The following LAMA2 variants were observed in gnomAD, a reference collection of about 807,000 sequenced individuals.
LAMA2 encodes laminin subunit alpha-2.
Under a neutral mutation model 364.8 loss-of-function variants are expected in LAMA2, and 269 were observed. The observed-to-expected ratio is 0.74, with a 90% confidence interval of 0.67 to 0.82. The LOEUF (loss-of-function observed/expected upper bound fraction) is 0.82, where lower values mean the gene tolerates loss of function less well. Ranked by LOEUF, LAMA2 falls within the 40% of genes least tolerant of loss-of-function variation. The pLI is 0.00. For missense variants in LAMA2, 3,807 were observed against 3,873.2 expected (o/e 0.98, Z 0.45); for synonymous variants, 1,379 against 1,370.6 (o/e 1.01, Z -0.14).
Position 129,066,038 on chromosome 6 carries a change from G to GTATGTCTTTTTTTTTTTTTTTTTTT in LAMA2, c.396+6143_396+6144insATGTCTTTTTTTTTTTTTTTTTTTT, listed in dbSNP as rs59543848. On this transcript the variant is annotated intron_variant, in intron 3 of 64. Transcript: ENST00000421865. ...TCTTTTGTAAATTGCCCAGTCTCAGGTTTTTTTTTTTTTTTTTTTTTTTTT... is the reference window on the plus strand; with the variant it reads ...TCTTTTGTAAATTGCCCAGTCTCAGGTATGTCTTTTTTTTTTTTTTTTTTTTTTTTTTTTTTTTTTTTTTTTTTTT... Among the ~76,000 whole-genome samples, 16 of 37,116 alleles carry GTATGTCTTTTTTTTTTTTTTTTTTT rather than the reference G, an allele frequency of 4.3e-4. 1 individual carries two copies. The highest frequency in any genetic ancestry group is 5.1e-4 in the African/African-American group (6 of 11,704). The allele number at this position is 37,116 out of a possible 152,430, so 24.3% of individuals were successfully genotyped here.
chr6:129,266,812 G>T (rs972764348), intron 15 of LAMA2, among the ~76,000 whole-genome samples: 1 of 151,874 alleles, frequency 6.6e-6, no homozygotes, highest in East Asian at 1.9e-4. Context: ...TTTTCTTTGA[G>T]ACTGTCACAT....
chr6:128,978,775 G>A (rs1354509254), intron 1 of LAMA2, among the ~76,000 whole-genome samples: 1 of 152,218 alleles, frequency 6.6e-6, no homozygotes, highest in Admixed American at 6.5e-5. Flanking sequence ...GTCAGTAGAC[G>A]CTTGCTTCTC....
At chr6:128,943,185 C>T (rs190462120) in intron 1 of LAMA2, among the ~76,000 whole-genome samples, 31 of 152,048 alleles carry the variant, frequency 2.0e-4, no homozygotes, top group Admixed American at 1.2e-3. Context: ...TAAACACATA[C>T]GCACAAGAAG....
chr6:129,316,209 G>C (rs374693355), intron 27 of LAMA2, 38 bp downstream of exon 27: 62 of 1,529,550 alleles, frequency 4.1e-5, no homozygotes, highest in Non-Finnish European at 5.2e-5. Context: ...TCTTATTTTA[G>C]AGTCTGTAAG....
At chr6:128,895,497 A>G (rs535376114) in intron 1 of LAMA2, among the ~76,000 whole-genome samples, 2 of 151,002 alleles carry the variant, frequency 1.3e-5, no homozygotes, top group South Asian at 2.1e-4. Context: ...AAAAAGCAAA[A>G]ATTAGCCGGG....
At chr6:129,471,499 A>C (rs921821763) in intron 51 of LAMA2, among the ~76,000 whole-genome samples, 1 of 151,920 alleles carries the variant, frequency 6.6e-6, no homozygotes, top group African/African-American at 2.4e-5. Flanking sequence ...AGAGAGGCAG[A>C]ATCTCATTTT....
chr6:129,188,656 G>A (rs1046739648), intron 10 of LAMA2, among the ~76,000 whole-genome samples: 4 of 151,910 alleles, frequency 2.6e-5, no homozygotes, highest in Non-Finnish European at 4.4e-5. Context: ...ATTTCAAAAT[G>A]TCTGAAATCT....
chr6:128,923,751 C>A (rs1290219748), intron 1 of LAMA2, among the ~76,000 whole-genome samples: 1 of 152,054 alleles, frequency 6.6e-6, no homozygotes, highest in Non-Finnish European at 1.5e-5. Context: ...ATGAATAAAC[C>A]CCCAAATCTT....
intron 52 of LAMA2, among the ~76,000 whole-genome samples, 194 bp downstream of exon 52, chr6:129,473,546 T>C (rs948133162): frequency 1.3e-5 from 2 of 152,062 alleles, no homozygotes; most frequent in Admixed American, 6.6e-5. Context: ...TTGACATCTT[T>C]GTTGAAGAGA....
intron 1 of LAMA2, among the ~76,000 whole-genome samples, chr6:128,980,201 G>T (rs942553788): frequency 2.0e-5 from 3 of 152,174 alleles, no homozygotes; most frequent in Non-Finnish European, 4.4e-5. Context: ...CAATGCAAGA[G>T]AAATATGGTG....
chr6:129,511,413 G>T (rs545792452), intron 62 of LAMA2, among the ~76,000 whole-genome samples: 38 of 151,940 alleles, frequency 2.5e-4, no homozygotes, highest in Non-Finnish European at 4.9e-4. Context: ...TCCAGAAGGG[G>T]TGTCACTATG....
At chr6:128,887,884 A>AAAAC (rs1297053054) in intron 1 of LAMA2, among the ~76,000 whole-genome samples, 2 of 152,160 alleles carry the variant, frequency 1.3e-5, no homozygotes, top group Non-Finnish European at 2.9e-5. Context: ...AAAACAAAAC[A>AAAAC]AAACAAAACA....
rs5879948 is a variant in LAMA2 at position 129,439,825 on chromosome 6, C to CATATATATATAT, written c.6086-978_6086-967dup. Reference sequence around the variant, plus strand: ...GCTTCATTTGCTTGCATCAATTGGTCATATATATATATATATATATATATC... The same window carrying CATATATATATAT: ...GCTTCATTTGCTTGCATCAATTGGTCATATATATATATATATATATATATATATATATATATC... On this transcript the variant is annotated intron_variant, in intron 42 of 64. Coordinates refer to ENST00000421865, the MANE Select transcript of LAMA2 (RefSeq NM_000426.4). 6.6e-3 allele frequency among the ~76,000 whole-genome samples: 814 copies of CATATATATATAT among 123,134 alleles called. 4 individuals carry two copies. The highest frequency in any genetic ancestry group is 0.018 in the African/African-American group (504 of 27,594). The allele number at this position is 123,134 out of a possible 152,430, so 80.8% of individuals were successfully genotyped here. A position where few individuals can be genotyped will look rare whatever the true frequency, so the allele number is the denominator to read the frequency against.
intron 19 of LAMA2, among the ~76,000 whole-genome samples, chr6:129,289,484 A>G (rs1421546286): frequency 6.6e-6 from 1 of 152,168 alleles, no homozygotes; most frequent in East Asian, 1.9e-4. Context: ...AGCAGTGCTC[A>G]TAGTAGCTGT....
intron 58 of LAMA2, among the ~76,000 whole-genome samples, chr6:129,498,532 A>T (rs916140333): frequency 1.3e-5 from 2 of 152,236 alleles, no homozygotes; most frequent in African/African-American, 4.8e-5. Context: ...GTTTCTCAAT[A>T]AACATCTTGA....
At chr6:129,445,919 T>C (rs1782347942) in intron 45 of LAMA2, 98 bp downstream of exon 45, 1 of 1,243,312 alleles carries the variant, frequency 8.0e-7, no homozygotes, top group East Asian at 2.4e-5. Context: ...TGAATGATCT[T>C]GGGTCCTTTT....
At chr6:128,919,961 T>A (rs1313341577) in intron 1 of LAMA2, among the ~76,000 whole-genome samples, 1 of 152,150 alleles carries the variant, frequency 6.6e-6, no homozygotes, top group Admixed American at 6.5e-5. Context: ...TGCTCTGCCC[T>A]GTGCAGTTCT....
In LAMA2 at chr6:129,154,525, G is replaced by A. The variant is rs748922842; in HGVS notation, c.1048G>A (p.Ala350Thr). ...TGCAGCATGCAATTGTCATGGAAAA[G>A]CTGAAGAATGCTATTATGATGAAAA... ...ECEACNCHGK[A>T]EECYYDENVA... Residue 350 changes from alanine to threonine, a missense_variant, in exon 8 of 65, where the codon GCT (alanine) becomes ACT (threonine). Ala to Thr is a moderately conservative substitution (Grantham distance 58). This residue lies in a region of LAMA2 where 80 missense variants were observed against 124.0 expected (regional missense o/e 0.65). Coordinates refer to ENST00000421865, the MANE Select transcript of LAMA2 (RefSeq NM_000426.4). 1.9e-6 allele frequency: 3 copies of A among 1,613,702 alleles called. No homozygotes were observed. Among genetic ancestry groups the A allele is most frequent in the Admixed American group, 1.7e-5 (1 of 60,020 alleles).
chr6:129,315,028 G>A (rs1445949219), intron 24 of LAMA2, among the ~76,000 whole-genome samples: 4 of 152,158 alleles, frequency 2.6e-5, no homozygotes, highest in East Asian at 1.9e-4. Context: ...TAGATGCCAA[G>A]TGAAAAAGAG....
Sources: gnomAD v4.1 joint callset for allele counts (sites outside exome capture counted in the v4.1 genomes callset) on GRCh38, gnomAD v4.1.1 for gene constraint, gnomAD v4.1.1 regional missense constraint, MANE v1.5 for transcripts, NCBI Gene and HGNC (gene_info 2026-07-23, HGNC 2026-07-21) for gene names.